The following UTS2 variants were observed in gnomAD, a reference collection of about 807,000 sequenced individuals.
UTS2 encodes the protein urotensin-2.
A neutral mutation model predicts 12.6 loss-of-function variants in UTS2; 10 were observed. That is an observed-to-expected ratio of 0.80 (90% CI 0.49 to 1.35). The LOEUF is 1.35. Ranked by LOEUF, UTS2 falls within the 40% of genes most tolerant of loss-of-function variation. The pLI is 0.00. For missense variants in UTS2, 142 were observed against 143.2 expected (o/e 0.99, Z 0.04); for synonymous variants, 52 against 50.0 (o/e 1.04, Z -0.17).
At chr1:7,863,696 T>G in the UTS2 span, among the ~76,000 whole-genome samples, 1 of 152,228 alleles carries the variant, frequency 6.6e-6, no homozygotes, top group Non-Finnish European at 1.5e-5. Context: ...TTTATCTGAT[T>G]TTTATTTATT....
intron 3 of UTS2, among the ~76,000 whole-genome samples, chr1:7,849,411 A>G (rs918479657): frequency 4.6e-5 from 7 of 152,018 alleles, no homozygotes; most frequent in Admixed American, 1.3e-4. Context: ...GGGTTTCACC[A>G]TGTTGGCCAG....
At chr1:7,867,858 G>A in the UTS2 span, among the ~76,000 whole-genome samples, 6 of 152,112 alleles carry the variant, frequency 3.9e-5, no homozygotes, top group African/African-American at 9.6e-5. Context: ...CCTGGGCAAC[G>A]GAGCAAGACT....
chr1:7,889,016 T>TA, the UTS2 span, among the ~76,000 whole-genome samples: 1 of 151,570 alleles, frequency 6.6e-6, no homozygotes, highest in Non-Finnish European at 1.5e-5. Context: ...GGTGTGGGGT[T>TA]AGGGTGCTCA....
chr1:7,855,038 G>A (rs997573374), upstream of UTS2, among the ~76,000 whole-genome samples: 1 of 151,908 alleles, frequency 6.6e-6, no homozygotes, highest in African/African-American at 2.4e-5. Context: ...GCAGGTGCCT[G>A]TAGTCCCAGC....
At chr1:7,892,756 GGATTACAGCTGT>G in the UTS2 span, among the ~76,000 whole-genome samples, 1 of 151,894 alleles carries the variant, frequency 6.6e-6, no homozygotes, top group Admixed American at 6.6e-5. Context: ...CAAAGTGCTG[GGATTACAGCTGT>G]GAGCCACCTC....
the UTS2 span, among the ~76,000 whole-genome samples, chr1:7,909,532 G>A: frequency 1.6e-5 from 2 of 127,000 alleles, no homozygotes; most frequent in African/African-American, 3.0e-5. Flanking sequence ...GGATGACAGA[G>A]CAAGACTCTG....
At chr1:7,907,032 C>T in the UTS2 span, among the ~76,000 whole-genome samples, 1 of 151,962 alleles carries the variant, frequency 6.6e-6, no homozygotes, top group African/African-American at 2.4e-5. Flanking sequence ...GGGAGGATCA[C>T]CTGAGGTTGG....
At chr1:7,870,458 G>A in the UTS2 span, among the ~76,000 whole-genome samples, 1 of 152,222 alleles carries the variant, frequency 6.6e-6, no homozygotes, top group South Asian at 2.1e-4. Flanking sequence ...TGGTTAGCTT[G>A]TTATGGTAGC....
the UTS2 span, among the ~76,000 whole-genome samples, chr1:7,879,618 G>C: frequency 6.6e-6 from 1 of 151,928 alleles, no homozygotes; most frequent in African/African-American, 2.4e-5. Flanking sequence ...GCACACGCTT[G>C]TAGTTCTAGC....
At chr1:7,856,523 T>G (rs1638312020), upstream of UTS2, among the ~76,000 whole-genome samples, 1 of 44,816 alleles carries the variant, frequency 2.2e-5, no homozygotes, top group Non-Finnish European at 5.1e-5. Context: ...AAGCGTGGCC[T>G]CCGAGGAGGA....
At chr1:7,871,758 T>G in the UTS2 span, among the ~76,000 whole-genome samples, 2 of 152,246 alleles carry the variant, frequency 1.3e-5, no homozygotes, top group African/African-American at 4.8e-5. Context: ...ATCTTTCATG[T>G]TACTATTCGA....
chr1:7,854,739 C>T (rs1212608322), upstream of UTS2, among the ~76,000 whole-genome samples: 2 of 152,010 alleles, frequency 1.3e-5, no homozygotes, highest in Non-Finnish European at 1.5e-5. Flanking sequence ...TTCTAAAAAT[C>T]GATTTTGTGT....
At chr1:7,862,987 TGTGTTG>T in the UTS2 span, among the ~76,000 whole-genome samples, 21 of 28,114 alleles carry the variant, frequency 7.5e-4, no homozygotes, top group South Asian at 4.1e-3. Context: ...TTTATTGTGT[TGTGTTG>T]TATTGTATTG....
upstream of UTS2, among the ~76,000 whole-genome samples, chr1:7,855,868 T>G (rs1638294929): frequency 6.6e-6 from 1 of 151,748 alleles, no homozygotes; most frequent in East Asian, 2.0e-4. Context: ...TCAGCTAGTT[T>G]TTTTTTTTTC....
chr1:7,853,124 CAA>C (rs34962249), upstream of UTS2: 27,613 of 1,218,206 alleles, frequency 0.023, no homozygotes, highest in South Asian at 0.032. Flanking sequence ...TCATCCTCTC[CAA>C]AAAAAAAAAA....
chr1:7,866,797 C>T, the UTS2 span, among the ~76,000 whole-genome samples: 2 of 152,160 alleles, frequency 1.3e-5, no homozygotes, highest in African/African-American at 2.4e-5. This position sits in a 1 kb window ranked among gnomAD's most constrained non-coding sequence, Gnocchi z 4.5. Flanking sequence ...TCATTTCATC[C>T]CCAGGGCTGA....
At chr1:7,870,816 C>T in the UTS2 span, among the ~76,000 whole-genome samples, 1 of 152,302 alleles carries the variant, frequency 6.6e-6, no homozygotes, top group South Asian at 2.1e-4. Flanking sequence ...ATTCTCTAGC[C>T]AAAGACCACC....
the UTS2 span, among the ~76,000 whole-genome samples, chr1:7,897,745 C>T: frequency 6.6e-6 from 1 of 152,092 alleles, no homozygotes; most frequent in Non-Finnish European, 1.5e-5. Flanking sequence ...CGCCACCACG[C>T]CCGGCTAATT....
At chr1:7,848,676 C>T (rs1321370031) in intron 3 of UTS2, among the ~76,000 whole-genome samples, 7 of 151,976 alleles carry the variant, frequency 4.6e-5, no homozygotes, top group Non-Finnish European at 7.4e-5. Context: ...CATGCCACCA[C>T]GCCTGGCTAA....
Sources: allele counts gnomAD v4.1 joint callset (sites outside exome capture counted in the v4.1 genomes callset), GRCh38; gene constraint gnomAD v4.1.1; non-coding constraint Gnocchi (gnomAD v3.1); transcripts MANE v1.5; gene names NCBI Gene and HGNC (gene_info 2026-07-23, HGNC 2026-07-21).